The following KLHL32 variants were observed in gnomAD, a reference collection of about 807,000 sequenced individuals.
KLHL32 encodes kelch like family member 32, also known as kelch-like protein 32.
KLHL32 carries 35 observed loss-of-function variants against 64.8 expected under a neutral mutation model. The observed-to-expected ratio is 0.54, with a 90% CI of 0.41 to 0.72. The LOEUF (loss-of-function observed/expected upper bound fraction) is 0.72, where lower values mean the gene tolerates loss of function less well. Among genes scored for constraint, KLHL32 ranks in the 30% least tolerant of loss-of-function variants. KLHL32 has a pLI of 0.00. For synonymous variants in KLHL32, 259 were observed against 281.0 expected (o/e 0.92, Z 0.78); for missense variants, 589 against 768.5 (o/e 0.77, Z 2.76).
chr6:97,097,119 G>GA (rs1000365185), intron 6 of KLHL32, among the ~76,000 whole-genome samples: 15 of 152,020 alleles, frequency 9.9e-5, no homozygotes, highest in African/African-American at 3.1e-4. Flanking sequence ...ATAAGGGAGG[G>GA]AAAAAAACCA....
intron 3 of KLHL32, among the ~76,000 whole-genome samples, chr6:96,990,294 G>C (rs1279807796): frequency 6.6e-6 from 1 of 152,118 alleles, no homozygotes; most frequent in South Asian, 2.1e-4. Context: ...CTGAGGCTTT[G>C]TGCAGGATCT....
chr6:97,038,819 A>G (rs1582807813), intron 3 of KLHL32, among the ~76,000 whole-genome samples: 1 of 152,088 alleles, frequency 6.6e-6, no homozygotes, highest in East Asian at 1.9e-4. Context: ...GCAGTAGCTC[A>G]CACCTGTAAT....
chr6:96,898,289 GAGTT>G, the KLHL32 span, among the ~76,000 whole-genome samples: 1 of 152,240 alleles, frequency 6.6e-6, no homozygotes, highest in Non-Finnish European at 1.5e-5. Flanking sequence ...TGCCACCAAA[GAGTT>G]AGCCGATAAA....
intron 3 of KLHL32, among the ~76,000 whole-genome samples, chr6:96,999,139 T>C (rs1778730349): frequency 6.6e-6 from 1 of 152,210 alleles, no homozygotes; most frequent in African/African-American, 2.4e-5. Flanking sequence ...CTCATGCCTG[T>C]AATCTCAACA....
intron 6 of KLHL32, among the ~76,000 whole-genome samples, chr6:97,087,148 G>C (rs1793540225): frequency 6.6e-6 from 1 of 152,150 alleles, no homozygotes; most frequent in Admixed American, 6.5e-5. Context: ...CCTCAAGAAA[G>C]AATTAAAAGA....
chr6:96,903,120 C>CAA, the KLHL32 span, among the ~76,000 whole-genome samples: 1 of 146,252 alleles, frequency 6.8e-6, no homozygotes, highest in African/African-American at 2.5e-5. Context: ...AAACAAACAA[C>CAA]AAAAAAAAAC....
intron 4 of KLHL32, among the ~76,000 whole-genome samples, chr6:97,055,796 T>TAAAAAAAAAAAAAAAAAAAAAAA (rs750242567): frequency 0.012 from 980 of 80,982 alleles, 184 homozygotes; most frequent in Middle Eastern, 0.03. Context: ...AGAACCTGTC[T>TAAAAAAAAAAAAAAAAAAAAAAA]AAAAAAAAAA....
intron 4 of KLHL32, among the ~76,000 whole-genome samples, chr6:97,044,435 A>G (rs999062436): frequency 6.6e-6 from 1 of 152,010 alleles, no homozygotes; most frequent in African/African-American, 2.4e-5. Context: ...TTTTGCAGCC[A>G]TGTTCATCAT....
intron 3 of KLHL32, among the ~76,000 whole-genome samples, chr6:96,990,242 T>C (rs767447782): frequency 6.6e-6 from 1 of 152,200 alleles, no homozygotes; most frequent in Non-Finnish European, 1.5e-5. Context: ...AGTTACAATT[T>C]GAGTACATTC....
At position 97,132,889 on chromosome 6, in the gene KLHL32, A is replaced by C. The variant is rs545804952; in HGVS notation, c.1701+142A>C. ...TTTTTGTGCAACTAGTTCAGCCACT[A>C]AACTTCATCCTGTATCCTAAAAATG... On this transcript the variant is annotated intron_variant, in intron 10 of 10. Transcript: ENST00000369261. 1,244 of 578,678 alleles carry C rather than the reference A, an allele frequency of 2.1e-3. 22 individuals carry two copies. The African/African-American group carries it at 0.022, about 10-fold the overall frequency. 35.8% of individuals were successfully genotyped at this position (578,678 alleles called of 1,614,324 possible).
At chr6:96,934,797 G>C (rs1487106084) in intron 1 of KLHL32, among the ~76,000 whole-genome samples, 1 of 152,124 alleles carries the variant, frequency 6.6e-6, no homozygotes, top group Non-Finnish European at 1.5e-5. Flanking sequence ...GTGATTACAT[G>C]GCTTTATGTA....
At position 96,951,973 on chromosome 6, in the gene KLHL32, T is replaced by A. The variant is rs1337726708; in HGVS notation, c.-65-15023T>A. 3.5e-4 allele frequency among the ~76,000 whole-genome samples: 53 copies of A among 152,206 alleles called. 1 individual carries two copies. Among genetic ancestry groups the A allele is most frequent in the Non-Finnish European group, 3.1e-4 (21 of 68,038 alleles). ...CTGGGACCACTGTCTGTGTGAAGTT[T>A]GCACATTCTCCCCATGTCTGCATGG... On this transcript the variant is annotated intron_variant, in intron 1 of 10. Coordinates refer to ENST00000369261, the MANE Select transcript of KLHL32 (RefSeq NM_052904.4).
At chr6:97,026,536 A>G (rs1201133165) in intron 3 of KLHL32, among the ~76,000 whole-genome samples, 1 of 152,202 alleles carries the variant, frequency 6.6e-6, no homozygotes, top group Non-Finnish European at 1.5e-5. Context: ...GTCTGTGTGC[A>G]TGCCTAATAA....
intron 1 of KLHL32, among the ~76,000 whole-genome samples, chr6:96,961,978 T>C (rs1040763430): frequency 4.6e-5 from 7 of 152,266 alleles, no homozygotes; most frequent in Non-Finnish European, 8.8e-5. Context: ...CCGTGACCCA[T>C]AGTCAGAGAC....
intron 6 of KLHL32, among the ~76,000 whole-genome samples, chr6:97,094,487 G>A (rs1794695896): frequency 6.6e-6 from 1 of 152,176 alleles, no homozygotes; most frequent in African/African-American, 2.4e-5. Flanking sequence ...ATAATCAGGA[G>A]AAGCATTCAT....
chr6:96,999,072 G>A (rs1265960247), intron 3 of KLHL32, among the ~76,000 whole-genome samples: 5 of 152,166 alleles, frequency 3.3e-5, no homozygotes. Flanking sequence ...AAGGCTGTGG[G>A]GAAGTGATAC....
intron 4 of KLHL32, among the ~76,000 whole-genome samples, chr6:97,063,294 C>G (rs1167100219): frequency 6.6e-6 from 1 of 152,142 alleles, no homozygotes. Context: ...ATAGAACCAG[C>G]AGGACTGGCT....
At chr6:97,063,039 A>T (rs1789160685) in intron 4 of KLHL32, among the ~76,000 whole-genome samples, 1 of 152,158 alleles carries the variant, frequency 6.6e-6, no homozygotes, top group African/African-American at 2.4e-5. Flanking sequence ...TTTGGATTTT[A>T]TTTTCATGGA....
chr6:97,053,465 A>G (rs558235030), intron 4 of KLHL32, among the ~76,000 whole-genome samples: 14 of 152,278 alleles, frequency 9.2e-5, no homozygotes, highest in African/African-American at 3.4e-4. Context: ...CAAATTCTAT[A>G]AAAAGAAATT....
Sources: gnomAD v4.1 joint callset for allele counts (sites outside exome capture counted in the v4.1 genomes callset) on GRCh38, gnomAD v4.1.1 for gene constraint, MANE v1.5 for transcripts, NCBI Gene and HGNC (gene_info 2026-07-23, HGNC 2026-07-21) for gene names.